MSRA: variants seen among roughly 807,000 people sequenced by gnomAD.
MSRA encodes mitochondrial peptide methionine sulfoxide reductase.
In MSRA, 54 loss-of-function variants were observed where a neutral mutation model predicts 31.3. That is an observed-to-expected ratio of 1.73 (90% CI 1.39 to 2.17). MSRA has a LOEUF of 2.17. Ranked by LOEUF, MSRA falls within the 30% of genes most tolerant of loss-of-function variation. The probability of loss-of-function intolerance (pLI) is 0.00; values close to 1 mark genes in which losing one functional copy is unlikely to be tolerated. For missense variants in MSRA, 507 were observed against 300.9 expected (o/e 1.69, Z -5.07); for synonymous variants, 169 against 116.5 (o/e 1.45, Z -2.90).
chr8:10,233,271 CT>C (rs1811647257), intron 2 of MSRA, among the ~76,000 whole-genome samples: 1 of 151,722 alleles, frequency 6.6e-6, no homozygotes, highest in Non-Finnish European at 1.5e-5. Context: ...CTCTTCTTGC[CT>C]TCTGCCCAAG....
chr8:10,120,132 G>C (rs1800999848), intron 1 of MSRA, among the ~76,000 whole-genome samples: 1 of 152,140 alleles, frequency 6.6e-6, no homozygotes. Flanking sequence ...ACAGAAACCA[G>C]AGTTCAAGGG....
rs1175787359 is a variant in MSRA at position 10,171,814 on chromosome 8, C to G, written c.143-36019C>G. 1.3e-5 allele frequency among the ~76,000 whole-genome samples: 2 copies of G among 152,296 alleles called. 1 individual carries two copies. Among genetic ancestry groups the G allele is most frequent in the Middle Eastern group, 6.8e-3 (2 of 294 alleles). ...TCATTGTAATAGCATTCTAATAATT[C>G]TGTTAACAACTGCTTGAAATCAGAA... is the stretch of plus-strand genomic sequence containing the variant. On this transcript the variant is annotated intron_variant, in intron 1 of 5. Transcript: ENST00000317173.
intron 3 of MSRA, among the ~76,000 whole-genome samples, chr8:10,261,919 C>T (rs1205611974): frequency 4.6e-5 from 7 of 152,168 alleles, no homozygotes; most frequent in East Asian, 3.9e-4. Context: ...TTGATAGTTC[C>T]GCCTTTTCCA....
intron 5 of MSRA, among the ~76,000 whole-genome samples, chr8:10,425,299 C>T (rs76484723): frequency 4.6e-5 from 7 of 152,348 alleles, no homozygotes; most frequent in East Asian, 1.9e-4. Flanking sequence ...GGGTGGGCTG[C>T]GGTTTCCCTG....
rs568010034 is a variant in MSRA, at chr8:10,359,190, C to G, written c.543+39201C>G. Among the ~76,000 whole-genome samples, 194 of 152,278 alleles carry G rather than the reference C, an allele frequency of 1.3e-3. 1 individual carries two copies. The highest frequency in any genetic ancestry group is 2.3e-3 in the Non-Finnish European group (159 of 68,012). ...TGTTCTGTCCCCTTGACTTGCTTTT[C>G]TTTATCAGGAGCAGACTCCTCTTCT... On this transcript the variant is annotated intron_variant, in intron 5 of 5. Transcript: ENST00000317173.
rs576981803 is a variant in MSRA, at chr8:10,319,922, C to T, written c.476C>T (p.Ser159Leu). Residue 159 changes from serine (S) to leucine (L), a missense_variant, in exon 5 of 6, where the codon TCG becomes TTG. By Grantham distance (145) the Ser-to-Leu change is moderately radical (BLOSUM62 -2). Coordinates refer to ENST00000317173, the MANE Select transcript of MSRA (RefSeq NM_012331.5). ...AACGACCATGGCACTCAGTACCGCTCGGCCATCTACCCGACCTCTGCCAAG... is the reference window on the plus strand; with the variant it reads ...AACGACCATGGCACTCAGTACCGCTTGGCCATCTACCCGACCTCTGCCAAG... ...QGNDHGTQYR[S>L]AIYPTSAKQM... 8.1e-6 allele frequency: 13 copies of T among 1,599,350 alleles called. No homozygotes were observed. Among genetic ancestry groups the T allele is most frequent in the African/African-American group, 4.0e-5 (3 of 74,628 alleles).
intron 1 of MSRA, among the ~76,000 whole-genome samples, chr8:10,198,206 A>C (rs567169511): frequency 6.6e-6 from 1 of 152,184 alleles, no homozygotes; most frequent in African/African-American, 2.4e-5. Flanking sequence ...GAAGGAAGCA[A>C]AATCACCCAT....
intron 1 of MSRA, among the ~76,000 whole-genome samples, chr8:10,113,905 T>C (rs1018611730): frequency 2.0e-5 from 3 of 152,202 alleles, no homozygotes; most frequent in Non-Finnish European, 4.4e-5. Flanking sequence ...CACTGTCTAA[T>C]TACAGAACAT....
intron 5 of MSRA, among the ~76,000 whole-genome samples, chr8:10,377,885 G>A (rs1805839562): frequency 6.6e-6 from 1 of 152,234 alleles, no homozygotes; most frequent in Admixed American, 6.5e-5. Flanking sequence ...CCAGGAGGAA[G>A]CTCCCTGGCA....
intron 3 of MSRA, among the ~76,000 whole-genome samples, chr8:10,255,320 G>C (rs1041031205): frequency 6.6e-6 from 1 of 152,198 alleles, no homozygotes; most frequent in Non-Finnish European, 1.5e-5. Context: ...TTAATTCTCT[G>C]CCTCCTTAGA....
At chr8:10,216,208 A>G (rs1809974775) in intron 2 of MSRA, among the ~76,000 whole-genome samples, 1 of 152,240 alleles carries the variant, frequency 6.6e-6, no homozygotes, top group Non-Finnish European at 1.5e-5. Flanking sequence ...AAATATATGC[A>G]AGACACAGCC....
At chr8:10,417,861 C>G (rs1334556805) in intron 5 of MSRA, among the ~76,000 whole-genome samples, 1 of 151,484 alleles carries the variant, frequency 6.6e-6, no homozygotes, top group Non-Finnish European at 1.5e-5. Context: ...TTGAAGTGGT[C>G]TCCGTGCAGA....
At chr8:10,154,730 C>T (rs1415132227) in intron 1 of MSRA, among the ~76,000 whole-genome samples, 2 of 151,864 alleles carry the variant, frequency 1.3e-5, no homozygotes, top group African/African-American at 4.8e-5. Flanking sequence ...AACAATTCTA[C>T]TTTTTTCTTG....
intron 2 of MSRA, among the ~76,000 whole-genome samples, chr8:10,216,783 A>G (rs1810034009): frequency 6.6e-6 from 1 of 152,170 alleles, no homozygotes; most frequent in African/African-American, 2.4e-5. Flanking sequence ...TATAGACCAC[A>G]TTTGGTTTGT....
At chr8:10,293,713 C>G (rs1563318766) in intron 3 of MSRA, among the ~76,000 whole-genome samples, 1 of 152,134 alleles carries the variant, frequency 6.6e-6, no homozygotes, top group African/African-American at 2.4e-5. Flanking sequence ...TCCTTCCTCC[C>G]CTCCTGCTTC....
At chr8:10,210,136 A>G (rs1177473770) in intron 2 of MSRA, among the ~76,000 whole-genome samples, 1 of 152,206 alleles carries the variant, frequency 6.6e-6, no homozygotes, top group Non-Finnish European at 1.5e-5. Flanking sequence ...TGGAAAGGTC[A>G]ACTCAGCACA....
At chr8:10,062,891 C>T (rs1190068644) in intron 1 of MSRA, among the ~76,000 whole-genome samples, 1 of 152,086 alleles carries the variant, frequency 6.6e-6, no homozygotes, top group Non-Finnish European at 1.5e-5. Context: ...GGTAGCAATT[C>T]CACCATTTCC....
intron 1 of MSRA, among the ~76,000 whole-genome samples, chr8:10,076,767 G>T (rs548883750): frequency 2.0e-5 from 3 of 152,022 alleles, no homozygotes; most frequent in Non-Finnish European, 4.4e-5. Context: ...CTGCCTTTCC[G>T]CAAGTGTCTC....
chr8:10,133,430 G>A (rs1407950604), intron 1 of MSRA, among the ~76,000 whole-genome samples: 2 of 152,160 alleles, frequency 1.3e-5, no homozygotes, highest in South Asian at 2.1e-4. Context: ...GTGCTTCAGC[G>A]ACAAGGACCA....
Sources: gnomAD v4.1 joint callset for allele counts (sites outside exome capture counted in the v4.1 genomes callset) on GRCh38, gnomAD v4.1.1 for gene constraint, MANE v1.5 for transcripts, NCBI Gene and HGNC (gene_info 2026-07-23, HGNC 2026-07-21) for gene names.